NBPF12: variants seen among roughly 807,000 people sequenced by gnomAD.
NBPF12 encodes the protein NBPF member 12.
In NBPF12, 115 loss-of-function variants were observed where a neutral mutation model predicts 146.4. The observed-to-expected ratio is 0.79, with a 90% CI of 0.68 to 0.92. The LOEUF (loss-of-function observed/expected upper bound fraction) is 0.92. NBPF12 is among the 40% of genes least tolerant of loss of function. The pLI is 0.00. For synonymous variants in NBPF12, 385 were observed against 508.9 expected, an observed-to-expected ratio of 0.76 and a Z score of 3.28; for missense variants, 1,205 against 1,326.8, an observed-to-expected ratio of 0.91 and a Z score of 1.43.
At chr1:146,962,015 G>A in intron 4 of NBPF12, 146 bp from the exon 8 acceptor site, 1 of 691,084 alleles carries the variant, frequency 1.4e-6, no homozygotes, top group Non-Finnish European at 2.5e-6. Context: ...GGAGACTGAA[G>A]AGTAAAGATG....
rs2101876694 is a variant in NBPF12 at position 146,971,446 on chromosome 1, C to G, written c.1591+52C>G. On this transcript the variant is annotated intron_variant, in intron 13 of 33. Transcript: ENST00000617844. The stretch of plus-strand genomic sequence containing the variant: ...TACCTCTGTCTAGGCTATGGAAGAT[C>G]AATTCTGAGGACAGGCTGTATATAC... The G allele has an allele frequency of 8.9e-6, 13 of 1,459,456 alleles. No individual in the cohort carries two copies. In the East Asian group the frequency reaches 2.3e-4, roughly 26 times the overall value. 90.4% of individuals were successfully genotyped at this position (1,459,456 alleles called of 1,614,324 possible).
chr1:146,948,488 G>T (rs1454267187), upstream of NBPF12, among the ~76,000 whole-genome samples: 8 of 151,614 alleles, frequency 5.3e-5, no homozygotes, highest in Non-Finnish European at 8.8e-5. Flanking sequence ...TCAACTCAGG[G>T]TTAAATGGAT....
At chr1:146,940,980 A>G (rs1654775055) in intron 1 of NBPF12, among the ~76,000 whole-genome samples, 2 of 151,934 alleles carry the variant, frequency 1.3e-5, no homozygotes, top group South Asian at 4.1e-4. Context: ...TTTATTCTGG[A>G]TATGCATCCT....
At chr1:146,946,597 C>T (rs1655086730), upstream of NBPF12, among the ~76,000 whole-genome samples, 1 of 106,524 alleles carries the variant, frequency 9.4e-6, no homozygotes, top group Admixed American at 1.2e-4. Flanking sequence ...GTTTTTCCAT[C>T]AGATTATTTT....
rs1277647541 is a variant in NBPF12 at position 146,962,296 on chromosome 1, T to C, written c.278+33T>C. 9,808 of 1,553,356 alleles carry C rather than the reference T, an allele frequency of 6.3e-3. 527 individuals are homozygous for C. In the African/African-American group the frequency reaches 0.11, roughly 17 times the overall value. On this transcript the variant is annotated intron_variant, in intron 5 of 33. Transcript: ENST00000617844. Reference sequence around the variant, plus strand: ...GACCCCATGGGGGGAGGCAGGCGGGTAGGTGTGTAGATCTCTGAAGTACAG... The same window carrying C: ...GACCCCATGGGGGGAGGCAGGCGGGCAGGTGTGTAGATCTCTGAAGTACAG...
chr1:146,940,899 C>T (rs1654768829), intron 1 of NBPF12, among the ~76,000 whole-genome samples: 1 of 151,846 alleles, frequency 6.6e-6, no homozygotes, highest in Non-Finnish European at 1.5e-5. Flanking sequence ...TATATGTCCT[C>T]TTTCATGAAG....
At chr1:146,975,450 A>T (rs1461064816) in intron 15 of NBPF12, among the ~76,000 whole-genome samples, 1 of 150,334 alleles carries the variant, frequency 6.7e-6, no homozygotes, top group Non-Finnish European at 1.5e-5. Flanking sequence ...GAGGGGAAAG[A>T]TGAATGGAAC....
At chr1:146,944,313 C>T (rs1654925686) in intron 2 of NBPF12, among the ~76,000 whole-genome samples, 1 of 141,484 alleles carries the variant, frequency 7.1e-6, no homozygotes, top group Non-Finnish European at 1.5e-5. Flanking sequence ...CCCACCACTG[C>T]AGGCATTGAG....
chr1:146,938,738 C>G (rs1286804090), upstream of NBPF12: 13 of 152,174 alleles, frequency 8.5e-5, no homozygotes, highest in African/African-American at 3.1e-4. Context: ...CTGACACGGC[C>G]CATCCGGACC....
chr1:146,972,460 C>G (rs1656713047), intron 13 of NBPF12, among the ~76,000 whole-genome samples: 1 of 151,406 alleles, frequency 6.6e-6, no homozygotes, highest in Admixed American at 6.6e-5. Flanking sequence ...TTGTGCTACA[C>G]AGAAACATTG....
chr1:146,994,507 A>C (rs782062603), exon 34 of NBPF12: 2 of 1,609,114 alleles, frequency 1.2e-6, no homozygotes, highest in South Asian at 1.1e-5. Flanking sequence ...CATGGACAAT[A>C]GCTTTTTTAC....
exon 11 of NBPF12, chr1:146,969,580 C>A (rs1553886086): frequency 0.28 from 448,671 of 1,605,170 alleles, 68,210 homozygotes; most frequent in South Asian, 0.47. Context: ...AGCACCTTGT[C>A]CAAAAGCTCA....
At chr1:146,969,501 C>G in exon 11 of NBPF12, 1 of 1,233,614 alleles carries the variant, frequency 8.1e-7, no homozygotes, top group Non-Finnish European at 1.2e-6. Context: ...CTCCTCACTC[C>G]GGATGAGCCG....
chr1:146,994,549 C>T lies in NBPF12; in HGVS notation c.4348C>T (p.Gln1450Ter). Residue 1450 changes from glutamine (Q) to a stop codon, truncating the protein, a stop_gained, in exon 34 of 34, where the codon CAG becomes TAG. Coordinates refer to ENST00000617844, the Ensembl canonical transcript of NBPF12. LOFTEE classifies it high-confidence loss of function. The stretch of plus-strand genomic sequence containing the variant: ...GGTGACAAGTCTCCACCTGGTCTTC[C>T]AGATGGGAGTCATATTCCCACAATA... 1 of 1,609,506 alleles carries T rather than the reference C, an allele frequency of 6.2e-7. No homozygotes were observed. Among genetic ancestry groups the T allele is most frequent in the Non-Finnish European group, 8.5e-7 (1 of 1,179,476 alleles).
chr1:146,990,812 G>A (rs201688878), intron 29 of NBPF12, among the ~76,000 whole-genome samples: 11 of 98,722 alleles, frequency 1.1e-4, no homozygotes, highest in Non-Finnish European at 9.6e-5. Flanking sequence ...ATCACTGTTC[G>A]CTGTGTGTCC....
In NBPF12 at chr1:146,954,797, A is replaced by G. The variant is rs1238841000; in HGVS notation, c.-184+3308A>G. 6.7e-5 allele frequency among the ~76,000 whole-genome samples: 10 copies of G among 149,982 alleles called. No individual in the cohort carries two copies. In the East Asian group the frequency reaches 9.8e-4, roughly 15 times the overall value. ...TTGAAAAAAAAATAGAATATATATC[A>G]GTGGAAGAGAAGAGAGAATCCAGAA... is the stretch of plus-strand genomic sequence containing the variant. On this transcript the variant is annotated intron_variant, in intron 2 of 33. Coordinates refer to ENST00000617844, the Ensembl canonical transcript of NBPF12.
rs1313989589 is a variant in NBPF12 at position 146,971,452 on chromosome 1, T to A, written c.1591+58T>A. The A allele has an allele frequency of 6.4e-6, 9 of 1,400,714 alleles. 1 individual carries two copies. In the African/African-American group the frequency reaches 1.4e-4, roughly 21 times the overall value. The allele number at this position is 1,400,714 out of a possible 1,614,324, so 86.8% of individuals were successfully genotyped here. A position where few individuals can be genotyped will look rare whatever the true frequency, so the allele number is the denominator to read the frequency against. ...TGTCTAGGCTATGGAAGATCAATTC[T>A]GAGGACAGGCTGTATATACACATAT... is the stretch of plus-strand genomic sequence containing the variant. On this transcript the variant is annotated intron_variant, in intron 13 of 33. Transcript: ENST00000617844.
intron 15 of NBPF12, among the ~76,000 whole-genome samples, chr1:146,975,255 TTTC>T (rs1282325380): frequency 1.5e-5 from 2 of 134,164 alleles, no homozygotes; most frequent in East Asian, 4.9e-4. Flanking sequence ...CTGTCATTCT[TTTC>T]TTCTTTCGTC....
chr1:146,956,335 G>C lies in NBPF12; in HGVS notation c.-183-3524G>C, dbSNP rs1655585704. The stretch of plus-strand genomic sequence containing the variant: ...GGACCTGAAGTGACAGTGGCTCCTT[G>C]GGGCTGAGGGTTGAAAGGCTGATGA... On this transcript the variant is annotated intron_variant, in intron 2 of 33. Coordinates refer to ENST00000617844, the Ensembl canonical transcript of NBPF12. 2.0e-5 allele frequency among the ~76,000 whole-genome samples: 3 copies of C among 152,014 alleles called. No homozygotes were observed. In the South Asian group the frequency reaches 6.2e-4, roughly 32 times the overall value.
Sources: gnomAD v4.1 joint callset for allele counts (sites outside exome capture counted in the v4.1 genomes callset) on GRCh38, gnomAD v4.1.1 for gene constraint, MANE v1.5 for transcripts, NCBI Gene and HGNC (gene_info 2026-07-23, HGNC 2026-07-21) for gene names.